TNFRSF4: variants seen among roughly 807,000 people sequenced by gnomAD.
TNFRSF4 encodes TNF receptor superfamily member 4.
TNFRSF4 carries 21 observed loss-of-function variants against 29.5 expected under a neutral mutation model. That is an observed-to-expected ratio of 0.71 (90% CI 0.51 to 1.03). TNFRSF4 has a LOEUF of 1.03. Ranked by LOEUF, TNFRSF4 falls within the 50% of genes least tolerant of loss-of-function variation. The pLI is 0.00. For synonymous variants in TNFRSF4, 197 were observed against 172.7 expected, an observed-to-expected ratio of 1.14 and a Z score of -1.10; for missense variants, 408 against 387.8, an observed-to-expected ratio of 1.05 and a Z score of -0.44.
chr1:1,213,072 T>C lies in TNFRSF4; in HGVS notation c.290A>G (p.Gln97Arg). Residue 97 changes from glutamine to arginine, a missense_variant, in exon 3 of 7, where the codon CAG becomes CGG. Transcript: ENST00000379236. ...TGTGTCCTGTGTGGCCGTGCACAGC[T>C]GCTTCCGCTCACTCCCACTTCCTGA... ...CNLRSGSERK[Q>R]LCTATQDTVC... The C allele has an allele frequency of 1.2e-6, 2 of 1,610,630 alleles. No homozygotes were observed.
intron 2 of TNFRSF4, 101 bp from the exon 3 acceptor site, chr1:1,213,194 G>T: frequency 6.5e-7 from 1 of 1,536,772 alleles, no homozygotes; most frequent in African/African-American, 1.4e-5. Flanking sequence ...CCACCACACA[G>T]AGGGCCGTGG....
chr1:1,212,949 G>A (rs1475283599), intron 3 of TNFRSF4, 43 bp downstream of exon 3: 38 of 1,552,046 alleles, frequency 2.4e-5, no homozygotes, highest in Middle Eastern at 1.9e-4. Flanking sequence ...ACAGACAGCC[G>A]CTATGCACAC....
In TNFRSF4 at chr1:1,211,966, T is replaced by C; in HGVS notation, c.610A>G (p.Thr204Ala). ...CCCCCGGGGACCTCCACGGGCCGGGTGGAGGGTCCCTGTGAGGTTCTGGGC... is the reference window on the plus strand; with the variant it reads ...CCCCCGGGGACCTCCACGGGCCGGGCGGAGGGTCCCTGTGAGGTTCTGGGC... ...AWPRTSQGPS[T>A]RPVEVPGGRA... Residue 204 changes from threonine to alanine, a missense_variant, in exon 5 of 7, where the codon ACC (threonine) becomes GCC (alanine). Thr to Ala is a moderately conservative substitution (Grantham distance 58). Transcript: ENST00000379236. 6.3e-7 allele frequency: 1 copy of C among 1,586,654 alleles called. No homozygotes were observed. Among genetic ancestry groups the C allele is most frequent in the South Asian group, 1.1e-5 (1 of 88,390 alleles).
chr1:1,213,710 T>C lies in TNFRSF4; in HGVS notation c.221A>G (p.Asp74Gly). The change falls in exon 2 of 7, where the codon GAC becomes GGC. Residue 74 changes from aspartate to glycine, a missense_variant. By Grantham distance (94) the Asp-to-Gly change is moderately conservative (BLOSUM62 -1). Coordinates refer to ENST00000379236, the MANE Select transcript of TNFRSF4 (RefSeq NM_003327.4). ...CRPCGPGFYN[D>G]VVSSKPCKPC... The stretch of plus-strand genomic sequence containing the variant: ...CTTGCACGGCTTGGAGCTGACCACG[T>C]CGTTGTAGAAGCCCGGCCCGCACGG... The C allele has an allele frequency of 6.3e-7, 1 of 1,599,212 alleles. No individual in the cohort carries two copies. The highest frequency in any genetic ancestry group is 8.5e-7 in the Non-Finnish European group (1 of 1,174,116).
rs754807989 is a variant in TNFRSF4, at chr1:1,214,084, G to A, written c.44C>T (p.Ala15Val). The A allele has an allele frequency of 6.3e-7, 1 of 1,589,216 alleles. No homozygotes were observed. The highest frequency in any genetic ancestry group is 8.5e-7 in the Non-Finnish European group (1 of 1,172,234). The change falls in exon 1 of 7, where the codon GCT (alanine) becomes GTT (valine). Residue 15 changes from alanine to valine, a missense_variant. Transcript: ENST00000379236. The surrounding 1 kb of genome is among the most constrained non-coding windows in gnomAD (Gnocchi z 4.2). Reference protein sequence around the residue: ...ARRLGRGPCAALLLLGLGLST... With the variant: ...ARRLGRGPCAVLLLLGLGLST... ...CAGCCCCAGGCCCAGGAGGAGCAGAGCCGCACACGGCCCGCGGCCCAGCCG... is the reference window on the plus strand; with the variant it reads ...CAGCCCCAGGCCCAGGAGGAGCAGAACCGCACACGGCCCGCGGCCCAGCCG...
At chr1:1,212,887 A>G in intron 3 of TNFRSF4, 105 bp downstream of exon 3, 5 of 1,336,100 alleles carry the variant, frequency 3.7e-6, no homozygotes, top group Non-Finnish European at 4.0e-6. Context: ...TGAGGATGCC[A>G]GAGGAGGCAC....
Position 1,211,560 on chromosome 1 carries a change from T to C in TNFRSF4, c.829A>G (p.Ile277Val). ...TCCACCTTGGTGGGCCCAGGTCAGA[T>C]CTTGGCCAGGGTGGAGTGGGCGTCG... ...QADAHSTLAK[I>V] is the part of the protein sequence containing the mutation. The change falls in exon 7 of 7, where the codon ATC becomes GTC. Residue 277 changes from isoleucine to valine, a missense_variant. Coordinates refer to ENST00000379236, the MANE Select transcript of TNFRSF4 (RefSeq NM_003327.4). 1 of 1,502,176 alleles carries C rather than the reference T, an allele frequency of 6.7e-7. No individual in the cohort carries two copies. Among genetic ancestry groups the C allele is most frequent in the Non-Finnish European group, 8.9e-7 (1 of 1,126,988 alleles). The allele number at this position is 1,502,176 out of a possible 1,614,324, so 93.1% of individuals were successfully genotyped here. A position where few individuals can be genotyped will look rare whatever the true frequency, so the allele number is the denominator to read the frequency against.
chr1:1,214,132 G>C lies in TNFRSF4; in HGVS notation c.-5C>G. 1 of 1,573,958 alleles carries C rather than the reference G, an allele frequency of 6.4e-7. No individual in the cohort carries two copies. Among genetic ancestry groups the C allele is most frequent in the Non-Finnish European group, 8.6e-7 (1 of 1,166,668 alleles). On this transcript the variant is annotated 5_prime_UTR_variant, in exon 1 of 7. Coordinates refer to ENST00000379236, the MANE Select transcript of TNFRSF4 (RefSeq NM_003327.4). The surrounding 1 kb of genome is among the most constrained non-coding windows in gnomAD (Gnocchi z 4.2). ...CCGCCGAGCCCCCACGCACATCCTC[G>C]TCTCTGCTGTCGCCAGAGTCTGGGT...
At position 1,212,134 on chromosome 1, in the gene TNFRSF4, T is replaced by C; in HGVS notation, c.442A>G (p.Thr148Ala). 1 of 1,612,402 alleles carries C rather than the reference T, an allele frequency of 6.2e-7. No individual in the cohort carries two copies. The highest frequency in any genetic ancestry group is 1.7e-5 in the Admixed American group (1 of 59,978). Reference protein sequence around the residue: ...NQACKPWTNCTLAGKHTLQPA... With the variant: ...NQACKPWTNCALAGKHTLQPA... ...TGCAGGGTGTGCTTCCCAGCCAAGG[T>C]GCAGCTGTTGGGGAACAGGAGGTGT... The change falls in exon 5 of 7, where the codon ACC becomes GCC. Residue 148 changes from threonine (T) to alanine (A), a missense_variant. Transcript: ENST00000379236.
rs2298211 is a variant in TNFRSF4, at chr1:1,211,863, A to C, written c.635-31T>G. The C allele has an allele frequency of 0.091, 137,706 of 1,519,710 alleles. 6,678 individuals are homozygous for C. The highest frequency in any genetic ancestry group is 0.15 in the East Asian group (5,982 of 41,142). The allele number at this position is 1,519,710 out of a possible 1,614,324, so 94.1% of individuals were successfully genotyped here. ...GGAAGGGGTCTGCTGGGTGGGGTCC[A>C]CAGGAGGGGCCCCCATGCCGCCCTC... On this transcript the variant is annotated intron_variant, in intron 5 of 6. Coordinates refer to ENST00000379236, the MANE Select transcript of TNFRSF4 (RefSeq NM_003327.4).
chr1:1,212,599 C>T lies in TNFRSF4; in HGVS notation c.437+39G>A, dbSNP rs534218683. On this transcript the variant is annotated intron_variant, in intron 4 of 6. Coordinates refer to ENST00000379236, the MANE Select transcript of TNFRSF4 (RefSeq NM_003327.4). ...CTCCGCCCTCCTAACCACCCCAACC[C>T]CCCCCCAGCCCCTCCCAGCCCCTGG... 1.3e-5 allele frequency: 17 copies of T among 1,327,932 alleles called. No homozygotes were observed. The South Asian group carries it at 1.4e-4, about 11-fold the overall frequency. The allele number at this position is 1,327,932 out of a possible 1,614,324, so 82.3% of individuals were successfully genotyped here.
rs762686787 is a variant in TNFRSF4 at position 1,213,089 on chromosome 1, A to T, written c.273T>A (p.Ser91Arg). The change falls in exon 3 of 7, where the codon AGT becomes AGA. Residue 91 changes from serine to arginine, a missense_variant. Transcript: ENST00000379236. ...TGCACAGCTGCTTCCGCTCACTCCC[A>T]CTTCCTGAGCAGGGGCCGGATGGGG... ...CKPCTWCNLR[S>R]GSERKQLCTA... 71 of 1,608,562 alleles carry T rather than the reference A, an allele frequency of 4.4e-5. 1 individual carries two copies. In the South Asian group the frequency reaches 7.5e-4, roughly 17 times the overall value.
In TNFRSF4 at chr1:1,212,619, C is replaced by T; in HGVS notation, c.437+19G>A. The T allele has an allele frequency of 6.6e-7, 1 of 1,522,784 alleles. No homozygotes were observed. The highest frequency in any genetic ancestry group is 8.8e-7 in the Non-Finnish European group (1 of 1,133,558). 94.3% of individuals were successfully genotyped at this position (1,522,784 alleles called of 1,614,324 possible). A position where few individuals can be genotyped will look rare whatever the true frequency, so the allele number is the denominator to read the frequency against. ...CAACCCCCCCCCAGCCCCTCCCAGC[C>T]CCTGGCCAGGCCCCTCACTTGGTCC... On this transcript the variant is annotated intron_variant, in intron 4 of 6. Coordinates refer to ENST00000379236, the MANE Select transcript of TNFRSF4 (RefSeq NM_003327.4).
rs780860323 is a variant in TNFRSF4, at chr1:1,213,759, G to A, written c.172C>T (p.Arg58Cys). The A allele has an allele frequency of 6.9e-6, 11 of 1,601,838 alleles. No homozygotes were observed. The highest frequency in any genetic ancestry group is 1.1e-5 in the South Asian group (1 of 89,014). Reference protein sequence around the residue: ...PGNGMVSRCSRSQNTVCRPCG... With the variant: ...PGNGMVSRCSCSQNTVCRPCG... ...GGACGGCACACCGTGTTCTGGGAGCGGCTGCAGCGGCTCACCATCCCGTTG... is the reference window on the plus strand; with the variant it reads ...GGACGGCACACCGTGTTCTGGGAGCAGCTGCAGCGGCTCACCATCCCGTTG... The change falls in exon 2 of 7, where the codon CGC becomes TGC. Residue 58 changes from arginine to cysteine, a missense_variant. Arg to Cys is a radical substitution (Grantham distance 180, BLOSUM62 -3). Transcript: ENST00000379236.
At position 1,211,691 on chromosome 1, in the gene TNFRSF4, A is replaced by G. The variant is rs1649116000; in HGVS notation, c.763+13T>C. 1 of 1,591,074 alleles carries G rather than the reference A, an allele frequency of 6.3e-7. No homozygotes were observed. On this transcript the variant is annotated intron_variant, in intron 6 of 6. Coordinates refer to ENST00000379236, the MANE Select transcript of TNFRSF4 (RefSeq NM_003327.4). The stretch of plus-strand genomic sequence containing the variant: ...CCGCCAGGAGCAGTGCGGCAGGGCC[A>G]TGAGGCACTCACCAGGGGGCTTGTG...
At chr1:1,211,646 G>C (rs1278659933) in intron 6 of TNFRSF4, 21 bp from the exon 7 acceptor site, 15 of 1,564,080 alleles carry the variant, frequency 9.6e-6, no homozygotes, top group Non-Finnish European at 1.3e-5. Context: ...AAAAAGGAGA[G>C]ATTGGTGGGT....
rs749945507 is a variant in TNFRSF4 at position 1,213,111 on chromosome 1, G to C, written c.269-18C>G. On this transcript the variant is annotated intron_variant, in intron 2 of 6. Transcript: ENST00000379236. ...CCCACTTCCTGAGCAGGGGCCGGATGGGGGGGTGGTCAGGTGGGGGCTGTG... is the reference window on the plus strand; with the variant it reads ...CCCACTTCCTGAGCAGGGGCCGGATCGGGGGGTGGTCAGGTGGGGGCTGTG... 1.3e-5 allele frequency: 21 copies of C among 1,597,884 alleles called. No homozygotes were observed. Among genetic ancestry groups the C allele is most frequent in the Admixed American group, 1.7e-5 (1 of 58,544 alleles).
chr1:1,212,777 G>A, intron 3 of TNFRSF4, 73 bp from the exon 4 acceptor site: 1 of 1,357,728 alleles, frequency 7.4e-7, no homozygotes. Context: ...AGAGCCTGTG[G>A]GGCAGGCACT....
intron 1 of TNFRSF4, 63 bp from the exon 2 acceptor site, chr1:1,213,848 A>G: frequency 1.3e-6 from 2 of 1,495,950 alleles, no homozygotes; most frequent in Non-Finnish European, 1.8e-6. Flanking sequence ...GGACCCCCCC[A>G]GGCGGCTCCT....
Sources: gnomAD v4.1 joint callset for allele counts on GRCh38, gnomAD v4.1.1 for gene constraint, Gnocchi (gnomAD v3.1) non-coding constraint, MANE v1.5 for transcripts, NCBI Gene and HGNC (gene_info 2026-07-23, HGNC 2026-07-21) for gene names.